The following MGLL variants were observed in gnomAD, a reference collection of about 807,000 sequenced individuals.
MGLL encodes lysophospholipase homolog.
In MGLL, 7 loss-of-function variants were observed where a neutral mutation model predicts 29.1. The ratio of observed to expected loss-of-function variants is 0.24; its 90% CI spans 0.14 to 0.45. The LOEUF (loss-of-function observed/expected upper bound fraction) is 0.45, where lower values mean the gene tolerates loss of function less well. Among genes scored for constraint, MGLL ranks in the 20% least tolerant of loss-of-function variants. The probability of loss-of-function intolerance (pLI) is 0.99; values close to 1 mark genes in which losing one functional copy is unlikely to be tolerated. For missense variants in MGLL, 356 were observed against 413.6 expected (o/e 0.86, Z 1.21); for synonymous variants, 148 against 168.3 (o/e 0.88, Z 0.93).
intron 3 of MGLL, among the ~76,000 whole-genome samples, chr3:127,747,945 C>T (rs1366267722): frequency 1.3e-5 from 2 of 152,156 alleles, no homozygotes; most frequent in Admixed American, 6.5e-5. Flanking sequence ...ACCTGGCACT[C>T]GGGGACCTGG....
At chr3:127,779,112 C>T (rs1473974809) in intron 3 of MGLL, among the ~76,000 whole-genome samples, 1 of 143,224 alleles carries the variant, frequency 7.0e-6, no homozygotes, top group Non-Finnish European at 1.6e-5. Context: ...ACGCCTGTAA[C>T]CCCAATACTT....
intron 3 of MGLL, among the ~76,000 whole-genome samples, chr3:127,731,814 T>C (rs1052738884): frequency 6.6e-6 from 1 of 152,216 alleles, no homozygotes; most frequent in Admixed American, 6.5e-5. Flanking sequence ...TAGGGACCTG[T>C]CAATGGAATA....
At chr3:127,738,974 G>A (rs763227458) in intron 3 of MGLL, among the ~76,000 whole-genome samples, 1 of 152,206 alleles carries the variant, frequency 6.6e-6, no homozygotes, top group African/African-American at 2.4e-5. Flanking sequence ...GTCCACCATC[G>A]CAGAAATTTC....
chr3:127,788,770 C>T lies in MGLL; in HGVS notation c.156-6875G>A, dbSNP rs573626740. The stretch of plus-strand genomic sequence containing the variant: ...TCTTATCCAGAGTTCATCATCAGGG[C>T]GTGTAGGCCCTGTGTTCTTTGAGAA... On this transcript the variant is annotated intron_variant, in intron 2 of 7. Coordinates refer to ENST00000265052, the MANE Select transcript of MGLL (RefSeq NM_007283.7). Among the ~76,000 whole-genome samples, 7 of 152,292 alleles carry T rather than the reference C, an allele frequency of 4.6e-5. No homozygotes were observed. In the South Asian group the frequency reaches 6.2e-4, roughly 14 times the overall value.
intron 2 of MGLL, among the ~76,000 whole-genome samples, chr3:127,820,715 C>G (rs2077843794): frequency 6.6e-6 from 1 of 152,220 alleles, no homozygotes; most frequent in South Asian, 2.1e-4. Context: ...ATTACCAGAA[C>G]TGGTAGGAAC....
intron 3 of MGLL, among the ~76,000 whole-genome samples, chr3:127,772,779 G>A (rs1019111259): frequency 1.3e-5 from 2 of 152,136 alleles, no homozygotes; most frequent in African/African-American, 4.8e-5. Flanking sequence ...CCTTTGGGAG[G>A]TGATAGGTCA....
At chr3:127,817,193 A>C (rs2077772702) in intron 2 of MGLL, among the ~76,000 whole-genome samples, 1 of 152,216 alleles carries the variant, frequency 6.6e-6, no homozygotes. Context: ...CCATAAATGC[A>C]GGGGAATTTG....
chr3:127,783,558 C>T (rs969719238), intron 2 of MGLL, among the ~76,000 whole-genome samples: 5 of 152,230 alleles, frequency 3.3e-5, no homozygotes, highest in Admixed American at 6.5e-5. Flanking sequence ...GTTCTTCCTA[C>T]GACTCTTTTC....
chr3:127,696,852 C>T (rs1044063984), intron 6 of MGLL, among the ~76,000 whole-genome samples: 1 of 152,156 alleles, frequency 6.6e-6, no homozygotes, highest in Non-Finnish European at 1.5e-5. Flanking sequence ...AGCTGCTCCC[C>T]GGGCAACCAG....
At chr3:127,805,975 C>T (rs2077558090) in intron 2 of MGLL, among the ~76,000 whole-genome samples, 1 of 152,216 alleles carries the variant, frequency 6.6e-6, no homozygotes, top group Non-Finnish European at 1.5e-5. Context: ...GAATACATGC[C>T]TCCCTGCAGC....
In MGLL at chr3:127,691,077, TC is replaced by T. The variant is rs1418183455; in HGVS notation, c.*1120del. ...GTAGCTGTGCTGCTAGCACTGACACTCCCAGGGTAGCTCTGGGCCATAGGCA... is the reference window on the plus strand; with the variant it reads ...GTAGCTGTGCTGCTAGCACTGACACTCCAGGGTAGCTCTGGGCCATAGGCA... On this transcript the variant is annotated 3_prime_UTR_variant, in exon 8 of 8. Transcript: ENST00000265052. 1 of 152,746 alleles carries T rather than the reference TC, an allele frequency of 6.5e-6. No individual in the cohort carries two copies. The highest frequency in any genetic ancestry group is 2.4e-5 in the African/African-American group (1 of 41,428). 9.5% of individuals were successfully genotyped at this position (152,746 alleles called of 1,614,324 possible). A position where few individuals can be genotyped will look rare whatever the true frequency, so the allele number is the denominator to read the frequency against.
chr3:127,813,686 C>A (rs2077703885), intron 2 of MGLL, among the ~76,000 whole-genome samples: 1 of 152,212 alleles, frequency 6.6e-6, no homozygotes, highest in Non-Finnish European at 1.5e-5. Flanking sequence ...CTCAGTCTTT[C>A]CATCTATGAA....
At chr3:127,704,572 T>C (rs28788564) in intron 6 of MGLL, among the ~76,000 whole-genome samples, 45,889 of 151,972 alleles carry the variant, frequency 0.3, 7,067 homozygotes, top group Middle Eastern at 0.55. Context: ...CCATCAATAA[T>C]GGGCAAAGGA....
intron 3 of MGLL, among the ~76,000 whole-genome samples, chr3:127,774,517 A>T (rs1177101658): frequency 6.6e-6 from 1 of 151,382 alleles, no homozygotes; most frequent in Non-Finnish European, 1.5e-5. Flanking sequence ...CTTCACCTGA[A>T]TGCTCTTTCT....
At chr3:127,751,249 T>C (rs1387805257) in intron 3 of MGLL, among the ~76,000 whole-genome samples, 1 of 151,918 alleles carries the variant, frequency 6.6e-6, no homozygotes, top group Non-Finnish European at 1.5e-5. Flanking sequence ...CTCCTTCCAT[T>C]TGCACCTGTC....
chr3:127,690,362 C>G lies in MGLL; in HGVS notation c.*1836G>C, dbSNP rs1046948429. 1.3e-5 allele frequency: 2 copies of G among 152,256 alleles called. No individual in the cohort carries two copies. The highest frequency in any genetic ancestry group is 4.8e-5 in the African/African-American group (2 of 41,464). 9.4% of individuals were successfully genotyped at this position (152,256 alleles called of 1,614,324 possible). On this transcript the variant is annotated 3_prime_UTR_variant, in exon 8 of 8. Coordinates refer to ENST00000265052, the MANE Select transcript of MGLL (RefSeq NM_007283.7). ...TGGGCCGGGTCAGCAACCAAGCCCC[C>G]ACCTGCCCCTTGTGGGGTGAGGGCT...
intron 3 of MGLL, among the ~76,000 whole-genome samples, chr3:127,730,785 G>A (rs2076135798): frequency 6.6e-6 from 1 of 152,204 alleles, no homozygotes; most frequent in South Asian, 2.1e-4. Context: ...GTGCCACATG[G>A]CTCTGTGCTG....
At chr3:127,723,621 C>G (rs758646091) in intron 3 of MGLL, among the ~76,000 whole-genome samples, 14 of 152,166 alleles carry the variant, frequency 9.2e-5, no homozygotes, top group Non-Finnish European at 1.6e-4. Context: ...AGCAGCACTC[C>G]CCCTTTCCTT....
intron 2 of MGLL, among the ~76,000 whole-genome samples, chr3:127,804,004 A>G (rs981540878): frequency 2.0e-5 from 3 of 152,166 alleles, no homozygotes; most frequent in Non-Finnish European, 4.4e-5. Context: ...AGCCCCTGAC[A>G]CTGGTTTCTA....
Sources: gnomAD v4.1 joint callset for allele counts (sites outside exome capture counted in the v4.1 genomes callset) on GRCh38, gnomAD v4.1.1 for gene constraint, MANE v1.5 for transcripts, NCBI Gene and HGNC (gene_info 2026-07-23, HGNC 2026-07-21) for gene names.